Variants in ASXL2 observed in about 807,000 individuals in gnomAD.
ASXL2 encodes putative Polycomb group protein ASXL2.
In ASXL2, 23 loss-of-function variants were observed where a neutral mutation model predicts 122.0. That is an observed-to-expected ratio of 0.19 (90% CI 0.14 to 0.27). The LOEUF (loss-of-function observed/expected upper bound fraction) is 0.27. Among genes scored for constraint, ASXL2 ranks in the 10% least tolerant of loss-of-function variants. The pLI, the probability that ASXL2 is intolerant of heterozygous loss-of-function variation, is 1.00. For synonymous variants in ASXL2, 650 were observed against 637.0 expected (o/e 1.02, Z -0.31); for missense variants, 1,518 against 1,713.8 (o/e 0.89, Z 2.02).
chr2:25,812,246 G>A (rs1439138468), intron 3 of ASXL2, among the ~76,000 whole-genome samples: 1 of 151,418 alleles, frequency 6.6e-6, no homozygotes, highest in Non-Finnish European at 1.5e-5. Flanking sequence ...TTACCTGAAG[G>A]TCAGGAATTA....
intron 5 of ASXL2, among the ~76,000 whole-genome samples, chr2:25,775,634 G>A (rs2088534740): frequency 1.3e-5 from 2 of 152,050 alleles, no homozygotes; most frequent in South Asian, 4.1e-4. Context: ...ATGTGAAGTT[G>A]GTTGCTTCCC....
At position 25,751,884 on chromosome 2, in the gene ASXL2, G is replaced by A. The variant is rs2088053341; in HGVS notation, c.1143-1471C>T. On this transcript the variant is annotated intron_variant, in intron 11 of 12. Coordinates refer to ENST00000435504, the MANE Select transcript of ASXL2 (RefSeq NM_018263.6). The stretch of plus-strand genomic sequence containing the variant: ...CAACCTCCGCCTCCCAGGTTTAAAC[G>A]ATTCTTCCACCTGAGCCTGGGTCTA... Among the ~76,000 whole-genome samples the A allele has an allele frequency of 2.0e-5, 3 of 151,868 alleles. No homozygotes were observed. In the South Asian group the frequency reaches 6.2e-4, roughly 32 times the overall value.
intron 3 of ASXL2, among the ~76,000 whole-genome samples, chr2:25,811,406 G>A (rs948384156): frequency 6.6e-6 from 1 of 151,524 alleles, no homozygotes; most frequent in South Asian, 2.1e-4. Context: ...AAAAATAAAA[G>A]CAACAAAACT....
chr2:25,849,095 TA>T (rs1044504247), intron 1 of ASXL2, among the ~76,000 whole-genome samples: 7 of 86,012 alleles, frequency 8.1e-5, no homozygotes, highest in Admixed American at 2.8e-4. Context: ...TATTTTCTTT[TA>T]AAAAAATGTT....
rs1284853607 is a variant in ASXL2 at position 25,734,995 on chromosome 2, TAAG to T, written c.*7031_*7033del. The T allele has an allele frequency of 6.6e-6, 1 of 152,202 alleles. No individual in the cohort carries two copies. The highest frequency in any genetic ancestry group is 1.9e-4 in the East Asian group (1 of 5,200). The allele number at this position is 152,202 out of a possible 1,614,324, so 9.4% of individuals were successfully genotyped here. A position where few individuals can be genotyped will look rare whatever the true frequency, so the allele number is the denominator to read the frequency against. On this transcript the variant is annotated 3_prime_UTR_variant, in exon 13 of 13. Coordinates refer to ENST00000435504, the MANE Select transcript of ASXL2 (RefSeq NM_018263.6). ...TAAGGCATCCTCTAGGTTTTACAAT[TAAG>T]AAGAAAATCAGGATTTTTAAAAATT...
At chr2:25,867,509 T>C (rs2149202761) in intron 1 of ASXL2, among the ~76,000 whole-genome samples, 1 of 152,210 alleles carries the variant, frequency 6.6e-6, no homozygotes, top group African/African-American at 2.4e-5. Flanking sequence ...TAAAAAAAGG[T>C]ATGCAATGAG....
chr2:25,762,477 C>T (rs1234392489), intron 8 of ASXL2, among the ~76,000 whole-genome samples: 3 of 151,630 alleles, frequency 2.0e-5, no homozygotes, highest in Non-Finnish European at 4.4e-5. Context: ...ACCAGCCTGG[C>T]CAACATGGTG....
intron 1 of ASXL2, among the ~76,000 whole-genome samples, chr2:25,852,953 T>C (rs774615549): frequency 2.0e-5 from 3 of 152,134 alleles, no homozygotes; most frequent in Non-Finnish European, 2.9e-5. Context: ...AAGGTAGTAA[T>C]AGGGGATTAA....
chr2:25,811,263 T>TA (rs2089166527), intron 3 of ASXL2, among the ~76,000 whole-genome samples: 1 of 150,828 alleles, frequency 6.6e-6, no homozygotes, highest in Admixed American at 6.6e-5. Context: ...AAAAAATAAA[T>TA]AAATAAATAA....
chr2:25,851,335 C>T (rs1198636066), intron 1 of ASXL2, among the ~76,000 whole-genome samples: 1 of 152,098 alleles, frequency 6.6e-6, no homozygotes, highest in Non-Finnish European at 1.5e-5. Context: ...TACTTTTGTG[C>T]TTTAATTACT....
chr2:25,784,311 C>G (rs533679711), intron 5 of ASXL2, among the ~76,000 whole-genome samples: 1 of 152,056 alleles, frequency 6.6e-6, no homozygotes, highest in Non-Finnish European at 1.5e-5. Context: ...TGTAAGCCTC[C>G]TTCAGCTTTG....
chr2:25,770,570 C>T (rs937868215), intron 6 of ASXL2, among the ~76,000 whole-genome samples: 1 of 152,084 alleles, frequency 6.6e-6, no homozygotes, highest in African/African-American at 2.4e-5. Flanking sequence ...GCCTGACCAA[C>T]GTGGTGAAAC....
intron 1 of ASXL2, among the ~76,000 whole-genome samples, chr2:25,866,122 ATTTTCTT>A (rs2089900723): frequency 1.3e-5 from 2 of 150,966 alleles, no homozygotes; most frequent in Non-Finnish European, 2.9e-5. Context: ...TAAGACTTCA[ATTTTCTT>A]TTTTCTTTTT....
At position 25,877,252 on chromosome 2, in the gene ASXL2, G is replaced by C. The variant is rs553396673; in HGVS notation, c.57+914C>G. On this transcript the variant is annotated intron_variant, in intron 1 of 12. Transcript: ENST00000435504. ...CCGTTTAATGCCCTATTACTTTTCT[G>C]CTGCACCCTCAACGATGTATGAACT... Among the ~76,000 whole-genome samples, 3 of 152,196 alleles carry C rather than the reference G, an allele frequency of 2.0e-5. No homozygotes were observed. In the South Asian group the frequency reaches 6.2e-4, roughly 32 times the overall value.
rs757453393 is a variant in ASXL2, at chr2:25,743,824, G to C, written c.2513C>G (p.Pro838Arg). 1 of 1,614,032 alleles carries C rather than the reference G, an allele frequency of 6.2e-7. No homozygotes were observed. Among genetic ancestry groups the C allele is most frequent in the South Asian group, 1.1e-5 (1 of 91,076 alleles). The stretch of plus-strand genomic sequence containing the variant: ...AGGTGAGGCACCTGAGATTAGAGCA[G>C]GACCTGTTGGAGAAGGTGCTTTCTC... ...RQEKAPSPTGPALISGASPVH... is the reference protein window; with the variant it reads ...RQEKAPSPTGRALISGASPVH... Residue 838 changes from proline to arginine, a missense_variant, in exon 13 of 13, where the codon CCT becomes CGT. Around this residue, in one of 8 missense-constraint regions of ASXL2, gnomAD observed 831 missense variants for 833.1 expected, o/e 1.00. Transcript: ENST00000435504.
chr2:25,871,295 G>A (rs1402457438), intron 1 of ASXL2, among the ~76,000 whole-genome samples: 3 of 152,128 alleles, frequency 2.0e-5, no homozygotes, highest in African/African-American at 7.2e-5. Context: ...TCGTAGAGGG[G>A]GGGAAAAATG....
intron 1 of ASXL2, among the ~76,000 whole-genome samples, chr2:25,849,745 G>C (rs2089694869): frequency 6.6e-6 from 1 of 152,082 alleles, no homozygotes; most frequent in Non-Finnish European, 1.5e-5. Flanking sequence ...TTGCCATGTT[G>C]TCCAGGCTGG....
chr2:25,846,493 CA>C (rs1460170962), intron 1 of ASXL2, among the ~76,000 whole-genome samples: 1 of 152,036 alleles, frequency 6.6e-6, no homozygotes, highest in African/African-American at 2.4e-5. Context: ...ACTGAAAATA[CA>C]AAAATTAGTC....
Position 25,878,030 on chromosome 2 carries a change from T to TA in ASXL2, c.57+135dup, listed in dbSNP as rs2090024538. 5 of 1,111,384 alleles carry TA rather than the reference T, an allele frequency of 4.5e-6. No homozygotes were observed. The South Asian group carries it at 6.3e-5, about 14-fold the overall frequency. The allele number at this position is 1,111,384 out of a possible 1,614,324, so 68.8% of individuals were successfully genotyped here. ...CCCACAGGGATCGCAACCCCGACAC[T>TA]AACCGCCGCCCTCTCCGCGCGGTTT... On this transcript the variant is annotated intron_variant, in intron 1 of 12. Transcript: ENST00000435504.
Sources: allele counts gnomAD v4.1 joint callset (sites outside exome capture counted in the v4.1 genomes callset), GRCh38; gene constraint gnomAD v4.1.1; regional missense constraint gnomAD v4.1.1; transcripts MANE v1.5; gene names NCBI Gene and HGNC (gene_info 2026-07-23, HGNC 2026-07-21).